The following RNF31 variants were observed in gnomAD, a reference collection of about 807,000 sequenced individuals.
RNF31 encodes ring finger protein 31, also known as E3 ubiquitin-protein ligase RNF31.
In RNF31, 38 loss-of-function variants were observed where a neutral mutation model predicts 133.6. The ratio of observed to expected loss-of-function variants is 0.28; its 90% CI spans 0.22 to 0.37. RNF31 has a LOEUF of 0.37. Ranked by LOEUF, RNF31 falls within the 10% of genes least tolerant of loss-of-function variation. RNF31 has a pLI of 1.00. For synonymous variants in RNF31, 582 were observed against 552.3 expected (o/e 1.05, Z -0.75); for missense variants, 1,118 against 1,394.1 (o/e 0.80, Z 3.15).
At chr14:24,150,484 C>T in intron 7 of RNF31, 36 bp downstream of exon 7, 2 of 1,584,984 alleles carry the variant, frequency 1.3e-6, no homozygotes, top group Non-Finnish European at 1.7e-6. Context: ...CGTGTGTTAC[C>T]TCAGGCATTC....
chr14:24,158,874 A>C lies in RNF31; in HGVS notation c.2899+675A>C, dbSNP rs1179276246. Among the ~76,000 whole-genome samples, 5 of 151,326 alleles carry C rather than the reference A, an allele frequency of 3.3e-5. No individual in the cohort carries two copies. In the East Asian group the frequency reaches 9.7e-4, roughly 29 times the overall value. On this transcript the variant is annotated intron_variant, in intron 18 of 20. Coordinates refer to ENST00000324103, the MANE Select transcript of RNF31 (RefSeq NM_017999.5). ...CGGTGAAACCCCATCTCTACTAAAA[A>C]TACAAAAAATTAGCCGGGCGTGGTG...
chr14:24,159,083 G>A (rs1386407971), intron 18 of RNF31, among the ~76,000 whole-genome samples: 3 of 148,412 alleles, frequency 2.0e-5, no homozygotes, highest in Non-Finnish European at 4.4e-5. Flanking sequence ...GGTGGCTCAT[G>A]CCTGTAATCT....
Position 24,147,886 on chromosome 14 carries a change from G to T in RNF31, c.188G>T (p.Gly63Val). ...AARLVRCNAHGEPRNYLNTLS... is the reference protein window; with the variant it reads ...AARLVRCNAHVEPRNYLNTLS... ...CGCCTTGTCCGCTGCAACGCTCATG[G>T]GGAGGTGAGGCCCGGCCCCGCTTGG... Residue 63 changes from glycine to valine, a missense_variant, in exon 1 of 21, where the codon GGG becomes GTG. Around this residue, in one of 3 missense-constraint regions of RNF31, gnomAD observed 747 missense variants for 827.9 expected, o/e 0.90. Transcript: ENST00000324103. 1 of 1,611,964 alleles carries T rather than the reference G, an allele frequency of 6.2e-7. No individual in the cohort carries two copies.
Position 24,147,888 on chromosome 14 carries a change from G to C in RNF31, c.190G>C (p.Glu64Gln). 1 of 1,612,058 alleles carries C rather than the reference G, an allele frequency of 6.2e-7. No homozygotes were observed. Among genetic ancestry groups the C allele is most frequent in the Non-Finnish European group, 8.5e-7 (1 of 1,179,670 alleles). ...CCTTGTCCGCTGCAACGCTCATGGG[G>C]AGGTGAGGCCCGGCCCCGCTTGGAA... ...ARLVRCNAHGEPRNYLNTLST... is the reference protein window; with the variant it reads ...ARLVRCNAHGQPRNYLNTLST... Residue 64 changes from glutamate (E) to glutamine (Q), a missense_variant and splice_region_variant, in exon 1 of 21, where the codon GAG becomes CAG. By Grantham distance (29) the Glu-to-Gln change is conservative. This residue lies in a region of RNF31 where 747 missense variants were observed against 827.9 expected (regional missense o/e 0.90). Coordinates refer to ENST00000324103, the MANE Select transcript of RNF31 (RefSeq NM_017999.5).
chr14:24,153,857 T>C (rs375047924), intron 11 of RNF31, among the ~76,000 whole-genome samples: 144 of 151,286 alleles, frequency 9.5e-4, no homozygotes, highest in African/African-American at 3.4e-3. Context: ...TGAGCCAGGA[T>C]TGCGCCACAG....
At chr14:24,149,988 G>A in intron 6 of RNF31, 73 bp from the exon 7 acceptor site, 1 of 1,489,504 alleles carries the variant, frequency 6.7e-7, no homozygotes, top group Admixed American at 2.2e-5. Flanking sequence ...CCAGGAAATG[G>A]AGAATGCTTA....
In RNF31 at chr14:24,149,386, C is replaced by G. The variant is rs775245836; in HGVS notation, c.632-20C>G. 3.7e-6 allele frequency: 6 copies of G among 1,602,276 alleles called. No homozygotes were observed. The highest frequency in any genetic ancestry group is 1.7e-4 in the Middle Eastern group (1 of 6,028). On this transcript the variant is annotated intron_variant, in intron 5 of 20. Transcript: ENST00000324103. The stretch of plus-strand genomic sequence containing the variant: ...GCCTGGTCTTTTTTGGAAAGATGTT[C>G]CATCTCTCCTGCCCTCCAGGCTCCA...
At chr14:24,156,600 G>A (rs1159167697) in intron 14 of RNF31, among the ~76,000 whole-genome samples, 2 of 152,130 alleles carry the variant, frequency 1.3e-5, no homozygotes, top group Non-Finnish European at 2.9e-5. Context: ...CCAATATGGT[G>A]AAACCCCGTC....
rs752398891 is a variant in RNF31 at position 24,147,754 on chromosome 14, G to A, written c.56G>A (p.Ser19Asn). 2.7e-5 allele frequency: 43 copies of A among 1,566,874 alleles called. No individual in the cohort carries two copies. Among genetic ancestry groups the A allele is most frequent in the Non-Finnish European group, 3.5e-5 (41 of 1,160,356 alleles). Residue 19 changes from serine to asparagine, a missense_variant, in exon 1 of 21, where the codon AGC (serine) becomes AAC (asparagine). Physicochemically the swap from Ser to Asn is conservative, Grantham distance 46. Around this residue, in one of 3 missense-constraint regions of RNF31, gnomAD observed 747 missense variants for 827.9 expected, o/e 0.90. Coordinates refer to ENST00000324103, the MANE Select transcript of RNF31 (RefSeq NM_017999.5). ...AFLVAREELA[S>N]ALRRDSGQAF... ...CTGGTGGCCCGCGAGGAGCTGGCGA[G>A]CGCCCTGAGGAGGGATTCCGGGCAG...
At position 24,151,663 on chromosome 14, in the gene RNF31, A is replaced by G. The variant is rs1318976946; in HGVS notation, c.1916A>G (p.Asp639Gly). The G allele has an allele frequency of 3.1e-6, 5 of 1,610,878 alleles. No individual in the cohort carries two copies. The highest frequency in any genetic ancestry group is 4.2e-6 in the Non-Finnish European group (5 of 1,179,924). The change falls in exon 10 of 21, where the codon GAC becomes GGC. Residue 639 changes from aspartate to glycine, a missense_variant. By Grantham distance (94) the Asp-to-Gly change is moderately conservative. Around this residue, in one of 3 missense-constraint regions of RNF31, gnomAD observed 747 missense variants for 827.9 expected, o/e 0.90. Transcript: ENST00000324103. The surrounding 1 kb of genome is among the most constrained non-coding windows in gnomAD (Gnocchi z 5.3). The part of the protein sequence containing the change: ...PEPTPSWDGP[D>G]KQSLVRRLLA... ...CCCACCCCTTCCTGGGATGGGCCAG[A>G]CAAGCAGGTGCTGGGAGGAGGCAAG...
In RNF31 at chr14:24,150,611, T is replaced by C; in HGVS notation, c.1211T>C (p.Leu404Ser). The C allele has an allele frequency of 1.9e-6, 3 of 1,609,422 alleles. No homozygotes were observed. The highest frequency in any genetic ancestry group is 1.7e-6 in the Non-Finnish European group (2 of 1,176,104). ...CTGCCTTCCCAGCAGGGGGATGCTT[T>C]GCTGGCCTCTGCCCAGAGTCAAGTC... is the stretch of plus-strand genomic sequence containing the variant. ...CLQPLQQGDA[L>S]LASAQSQVWY... Residue 404 changes from leucine (L) to serine (S), a missense_variant, in exon 8 of 21, where the codon TTG becomes TCG. This residue lies in a region of RNF31 where 747 missense variants were observed against 827.9 expected (regional missense o/e 0.90). Coordinates refer to ENST00000324103, the MANE Select transcript of RNF31 (RefSeq NM_017999.5).
rs1381749473 is a variant in RNF31 at position 24,150,352 on chromosome 14, T to C, written c.1101T>C (p.Ala367=). The change falls in exon 7 of 21, where the codon GCT becomes GCC. Residue 367 remains alanine, a synonymous_variant. Transcript: ENST00000324103. The part of the protein sequence containing the change: ...QSCTFENEAA[A]VLCSICERPR... ...GTACCTTTGAGAATGAGGCAGCTGC[T>C]GTGCTATGTTCCATATGTGAGCGAC... The C allele has an allele frequency of 1.2e-6, 2 of 1,614,046 alleles. No homozygotes were observed. Among genetic ancestry groups the C allele is most frequent in the Non-Finnish European group, 1.7e-6 (2 of 1,180,046 alleles).
chr14:24,158,409 C>T (rs2038379388), intron 18 of RNF31, among the ~76,000 whole-genome samples: 3 of 152,228 alleles, frequency 2.0e-5, no homozygotes, highest in Admixed American at 2.0e-4. Context: ...CTTTAAAGAA[C>T]CTGGTACCCA....
At chr14:24,159,324 C>T (rs1263527351) in intron 18 of RNF31, among the ~76,000 whole-genome samples, 1 of 145,586 alleles carries the variant, frequency 6.9e-6, no homozygotes, top group Admixed American at 6.8e-5. Flanking sequence ...TCCAGTCCAG[C>T]CTGGGCAACA....
chr14:24,150,802 C>A lies in RNF31; in HGVS notation c.1402C>A (p.Pro468Thr), dbSNP rs760109620. 7 of 1,606,056 alleles carry A rather than the reference C, an allele frequency of 4.4e-6. No homozygotes were observed. The highest frequency in any genetic ancestry group is 5.1e-6 in the Non-Finnish European group (6 of 1,175,164). ...KPGPPRRLSAPLPSSCGDPEK... is the reference protein window; with the variant it reads ...KPGPPRRLSATLPSSCGDPEK... Reference sequence around the variant, plus strand: ...TGGGCCCCCACGACGCCTTAGTGCCCCCCTGCCCAGTTCCTGTGGAGATCC... The same window carrying A: ...TGGGCCCCCACGACGCCTTAGTGCCACCCTGCCCAGTTCCTGTGGAGATCC... Residue 468 changes from proline to threonine, a missense_variant, in exon 8 of 21, where the codon CCC (proline) becomes ACC (threonine). By Grantham distance (38) the Pro-to-Thr change is conservative. Transcript: ENST00000324103.
Position 24,160,184 on chromosome 14 carries a change from A to G in RNF31, c.2997-55A>G. ...GTCTCAGAGTCCAGCTATGTTAGAC[A>G]CACTCAGTTAATATTAGCCAACACA... On this transcript the variant is annotated intron_variant, in intron 19 of 20. Transcript: ENST00000324103. The surrounding 1 kb of genome is among the most constrained non-coding windows in gnomAD (Gnocchi z 4.0). The G allele has an allele frequency of 1.3e-6, 2 of 1,565,886 alleles. No homozygotes were observed. The highest frequency in any genetic ancestry group is 1.7e-6 in the Non-Finnish European group (2 of 1,153,626).
rs766619233 is a variant in RNF31, at chr14:24,157,948, C to T, written c.2778C>T (p.His926=). The change falls in exon 17 of 21, where the codon CAC becomes CAT. Residue 926 remains histidine, a synonymous_variant. Coordinates refer to ENST00000324103, the MANE Select transcript of RNF31 (RefSeq NM_017999.5). ...CRVKKSLHGH[H]PRDCLFYLRD... ...TGAAAAAGTCCCTGCACGGCCACCA[C>T]CCTCGAGACTGCCTCTTCTACCTGC... 10 of 1,614,058 alleles carry T rather than the reference C, an allele frequency of 6.2e-6. No individual in the cohort carries two copies. Among genetic ancestry groups the T allele is most frequent in the Admixed American group, 3.3e-5 (2 of 60,010 alleles).
Position 24,150,205 on chromosome 14 carries a change from G to T in RNF31, c.954G>T (p.Val318=), listed in dbSNP as rs778338393. 1 of 1,614,230 alleles carries T rather than the reference G, an allele frequency of 6.2e-7. No individual in the cohort carries two copies. The highest frequency in any genetic ancestry group is 1.1e-5 in the South Asian group (1 of 91,086). The change falls in exon 7 of 21, where the codon GTG becomes GTT. Residue 318 remains valine (V), a synonymous_variant. Transcript: ENST00000324103. ...CCATGCTAAATGAGCCTTGGGCAGT[G>T]CTCTGTGTGGCCTGTGATCGGCCCC... is the stretch of plus-strand genomic sequence containing the variant. The part of the protein sequence containing the change: ...ACAMLNEPWA[V]LCVACDRPRG...
In RNF31 at chr14:24,160,538, C is replaced by T. The variant is rs767690596; in HGVS notation, c.3184C>T (p.Pro1062Ser). 1.9e-6 allele frequency: 3 copies of T among 1,550,836 alleles called. 1 individual carries two copies. The highest frequency in any genetic ancestry group is 2.4e-5 in the South Asian group (2 of 82,026). ...RLLQKLTEEV[P>S]LGQSIPRRRK ...TCTGCAGAAGCTGACAGAAGAGGTA[C>T]CCTTGGGACAGAGTATCCCCCGCAG... The change falls in exon 21 of 21, where the codon CCC becomes TCC. Residue 1062 changes from proline (P) to serine (S), a missense_variant. By Grantham distance (74) the Pro-to-Ser change is moderately conservative. Transcript: ENST00000324103. This position sits in a 1 kb window ranked among gnomAD's most constrained non-coding sequence, Gnocchi z 4.0.
Sources: gnomAD v4.1 joint callset for allele counts (sites outside exome capture counted in the v4.1 genomes callset) on GRCh38, gnomAD v4.1.1 for gene constraint, gnomAD v4.1.1 regional missense constraint, Gnocchi (gnomAD v3.1) non-coding constraint, MANE v1.5 for transcripts, NCBI Gene and HGNC (gene_info 2026-07-23, HGNC 2026-07-21) for gene names.